Variants in ESYT2 observed in about 807,000 individuals in gnomAD.
ESYT2 encodes the protein extended synaptotagmin 2.
In ESYT2, 54 loss-of-function variants were observed where a neutral mutation model predicts 107.2. The observed-to-expected ratio is 0.50, with a 90% CI of 0.40 to 0.63. The LOEUF is 0.63. Among genes scored for constraint, ESYT2 ranks in the 30% least tolerant of loss-of-function variants. The pLI is 0.00. For missense variants in ESYT2, 1,020 were observed against 1,094.5 expected (o/e 0.93, Z 0.96); for synonymous variants, 491 against 434.1 (o/e 1.13, Z -1.63).
At chr7:158,826,036 A>C (rs2129474451) in intron 1 of ESYT2, among the ~76,000 whole-genome samples, 1 of 150,082 alleles carries the variant, frequency 6.7e-6, no homozygotes, top group East Asian at 2.0e-4. Context: ...AAAAAAAAAC[A>C]AAAACAAACC....
intron 16 of ESYT2, among the ~76,000 whole-genome samples, chr7:158,745,059 T>C (rs1199644101): frequency 2.0e-5 from 3 of 152,220 alleles, no homozygotes; most frequent in Admixed American, 6.5e-5. Context: ...AAGTATCAGA[T>C]TGGGGCAAAA....
intron 7 of ESYT2, among the ~76,000 whole-genome samples, chr7:158,771,315 C>T (rs945580914): frequency 3.3e-5 from 5 of 152,238 alleles, no homozygotes; most frequent in African/African-American, 1.2e-4. Context: ...TTTTTCTACA[C>T]TGATGTGTGT....
In ESYT2 at chr7:158,829,496, G is replaced by C; in HGVS notation, c.-78C>G. 1.6e-6 allele frequency: 2 copies of C among 1,237,900 alleles called. No individual in the cohort carries two copies. The highest frequency in any genetic ancestry group is 2.0e-6 in the Non-Finnish European group (2 of 990,624). 76.7% of individuals were successfully genotyped at this position (1,237,900 alleles called of 1,614,324 possible). ...CTGATCCCGGGCGGCTCAGCCCCGC[G>C]CCAGCGCCCCTCTGAGGGGACGCGG... is the stretch of plus-strand genomic sequence containing the variant. On this transcript the variant is annotated 5_prime_UTR_variant, in exon 1 of 23. Transcript: ENST00000275418.
At chr7:158,783,232 A>T (rs1306148904) in intron 6 of ESYT2, among the ~76,000 whole-genome samples, 1 of 152,168 alleles carries the variant, frequency 6.6e-6, no homozygotes, top group African/African-American at 2.4e-5. Context: ...GGAATGACAC[A>T]GATGTATCCA....
chr7:158,803,809 T>C (rs13238851), intron 1 of ESYT2, among the ~76,000 whole-genome samples: 9,454 of 94,176 alleles, frequency 0.1, 551 homozygotes, highest in African/African-American at 0.12. Flanking sequence ...ACCCAAACCG[T>C]TGAGAAGGGT....
intron 1 of ESYT2, among the ~76,000 whole-genome samples, chr7:158,808,342 C>T (rs954905476): frequency 6.6e-6 from 1 of 152,228 alleles, no homozygotes; most frequent in Non-Finnish European, 1.5e-5. Flanking sequence ...AGCATGCTCC[C>T]GCCCACTCAC....
At chr7:158,807,328 C>T (rs1839860667) in intron 1 of ESYT2, among the ~76,000 whole-genome samples, 2 of 148,174 alleles carry the variant, frequency 1.3e-5, no homozygotes, top group African/African-American at 5.0e-5. Flanking sequence ...TCAGAATTAA[C>T]ATCGGACTTA....
intron 16 of ESYT2, among the ~76,000 whole-genome samples, chr7:158,746,150 G>T: frequency 6.6e-6 from 1 of 152,026 alleles, no homozygotes. Flanking sequence ...AGAGGCCAAG[G>T]TGGATAGATG....
chr7:158,828,538 G>A (rs1256701096), intron 1 of ESYT2, among the ~76,000 whole-genome samples: 1 of 152,206 alleles, frequency 6.6e-6, no homozygotes, highest in Non-Finnish European at 1.5e-5. Context: ...CGGGCTTTGT[G>A]AAGAGGGGTC....
At chr7:158,752,693 G>T in intron 14 of ESYT2, 88 bp downstream of exon 14, 1 of 839,890 alleles carries the variant, frequency 1.2e-6, no homozygotes, top group Non-Finnish European at 1.7e-6. Context: ...AATATGGGAG[G>T]TAATTTGCCA....
chr7:158,742,771 T>A (rs1168854896), intron 17 of ESYT2, among the ~76,000 whole-genome samples: 1 of 152,190 alleles, frequency 6.6e-6, no homozygotes, highest in Non-Finnish European at 1.5e-5. Flanking sequence ...GCGGTGAACA[T>A]CTTTATGTTC....
chr7:158,827,866 G>T (rs1025325485), intron 1 of ESYT2, among the ~76,000 whole-genome samples: 1 of 152,134 alleles, frequency 6.6e-6, no homozygotes, highest in Non-Finnish European at 1.5e-5. Flanking sequence ...ATCCTTTCTT[G>T]CAGTGTGAAA....
Position 158,799,092 on chromosome 7 carries a change from A to T in ESYT2, c.331-20T>A. The T allele has an allele frequency of 6.2e-7, 1 of 1,608,840 alleles. No individual in the cohort carries two copies. Among genetic ancestry groups the T allele is most frequent in the Admixed American group, 1.7e-5 (1 of 59,626 alleles). On this transcript the variant is annotated intron_variant, in intron 1 of 22. Coordinates refer to ENST00000275418, the MANE Select transcript of ESYT2 (RefSeq NM_001367773.1). ...ATGAACCTAGGAGGAAAATACACAC[A>T]TATGACTTATTAACTCCCAACAACT... is the stretch of plus-strand genomic sequence containing the variant.
rs537070101 is a variant in ESYT2 at position 158,776,246 on chromosome 7, T to C, written c.748-2850A>G. On this transcript the variant is annotated intron_variant, in intron 6 of 22. Transcript: ENST00000275418. The stretch of plus-strand genomic sequence containing the variant: ...AAGGGTCTTCAGAATGGGAAATGAG[T>C]GCTTACTTCAACTTAAAGTCACCAC... Among the ~76,000 whole-genome samples, 3 of 152,124 alleles carry C rather than the reference T, an allele frequency of 2.0e-5. No individual in the cohort carries two copies. The South Asian group carries it at 6.2e-4, about 32-fold the overall frequency.
intron 13 of ESYT2, among the ~76,000 whole-genome samples, chr7:158,753,526 A>C (rs1837651697): frequency 1.3e-5 from 2 of 152,006 alleles, no homozygotes. Flanking sequence ...TAGGACTAGT[A>C]TTCAAGATTA....
At chr7:158,764,577 T>C in intron 9 of ESYT2, 100 bp downstream of exon 9, 1 of 1,246,026 alleles carries the variant, frequency 8.0e-7, no homozygotes, top group Non-Finnish European at 1.1e-6. Flanking sequence ...ATGGCCTAAA[T>C]GAGCCACACT....
chr7:158,768,344 T>A (rs1043865159), intron 7 of ESYT2, among the ~76,000 whole-genome samples: 2 of 152,226 alleles, frequency 1.3e-5, no homozygotes, highest in African/African-American at 4.8e-5. Context: ...TTGGACACAT[T>A]AATAATTTTT....
chr7:158,758,995 G>A (rs1163936696), intron 13 of ESYT2, among the ~76,000 whole-genome samples: 1 of 152,112 alleles, frequency 6.6e-6, no homozygotes, highest in Admixed American at 6.5e-5. Context: ...TTTGTTCTGC[G>A]AGAAACATCC....
chr7:158,756,341 C>G (rs117868622), intron 13 of ESYT2, among the ~76,000 whole-genome samples: 5 of 152,126 alleles, frequency 3.3e-5, no homozygotes, highest in African/African-American at 1.2e-4. Context: ...CAGTGCCAGA[C>G]GGGCAACATA....
Sources: allele counts gnomAD v4.1 joint callset (sites outside exome capture counted in the v4.1 genomes callset), GRCh38; gene constraint gnomAD v4.1.1; transcripts MANE v1.5; gene names NCBI Gene and HGNC (gene_info 2026-07-23, HGNC 2026-07-21).